The following TRPM7 variants were observed in gnomAD, a reference collection of about 807,000 sequenced individuals.
TRPM7 encodes LTRPC ion channel family member 7.
TRPM7 carries 134 observed loss-of-function variants against 229.7 expected under a neutral mutation model. The observed-to-expected ratio is 0.58, with a 90% confidence interval of 0.51 to 0.67. The LOEUF (loss-of-function observed/expected upper bound fraction) is 0.67, where lower values mean the gene tolerates loss of function less well. Among genes scored for constraint, TRPM7 ranks in the 30% least tolerant of loss-of-function variants. The probability of loss-of-function intolerance (pLI) is 0.00; values close to 1 mark genes in which losing one functional copy is unlikely to be tolerated. For synonymous variants in TRPM7, 699 were observed against 715.2 expected, an observed-to-expected ratio of 0.98 and a Z score of 0.36; for missense variants, 1,901 against 2,210.0, an observed-to-expected ratio of 0.86 and a Z score of 2.80.
intron 36 of TRPM7, among the ~76,000 whole-genome samples, chr15:50,570,858 A>AAC (rs1555401205): frequency 6.6e-6 from 1 of 151,778 alleles, no homozygotes; most frequent in African/African-American, 2.4e-5. Flanking sequence ...CGTCTCAAAA[A>AAC]AAAAACAAAA....
chr15:50,649,437 C>CAAAAA (rs541168300), intron 3 of TRPM7, among the ~76,000 whole-genome samples: 7 of 92,786 alleles, frequency 7.5e-5, no homozygotes, highest in Non-Finnish European at 1.5e-4. Flanking sequence ...GACCCCAACT[C>CAAAAA]AAAAAAAAAA....
At position 50,624,305 on chromosome 15, in the gene TRPM7, G is replaced by C. The variant is rs771145671; in HGVS notation, c.1306-5C>G. ...AGCTTGTTCCAAGGATCCAACCTAG[G>C]AGTATCAAATTTAATAAATACATAT... is the stretch of plus-strand genomic sequence containing the variant. On this transcript the variant is annotated splice_region_variant and splice_polypyrimidine_tract_variant and intron_variant, in intron 11 of 38. Transcript: ENST00000646667. 10 of 1,575,998 alleles carry C rather than the reference G, an allele frequency of 6.3e-6. No individual in the cohort carries two copies. Among genetic ancestry groups the C allele is most frequent in the Non-Finnish European group, 8.6e-6 (10 of 1,165,378 alleles).
At chr15:50,631,684 A>G (rs2060738118) in intron 9 of TRPM7, among the ~76,000 whole-genome samples, 195 bp from the exon 10 acceptor site, 1 of 152,108 alleles carries the variant, frequency 6.6e-6, no homozygotes, top group Non-Finnish European at 1.5e-5. Flanking sequence ...TTCAACCAAA[A>G]AACCAAAAAA....
chr15:50,650,660 A>T (rs1419095136), intron 3 of TRPM7, among the ~76,000 whole-genome samples: 1 of 151,996 alleles, frequency 6.6e-6, no homozygotes, highest in African/African-American at 2.4e-5. Flanking sequence ...GTGCCACTGC[A>T]CTCCAGGATG....
At chr15:50,657,213 A>G (rs1454294017) in intron 3 of TRPM7, among the ~76,000 whole-genome samples, 1 of 152,060 alleles carries the variant, frequency 6.6e-6, no homozygotes, top group Non-Finnish European at 1.5e-5. Context: ...AATCCCAGCT[A>G]CTCGGGAGGC....
chr15:50,609,697 C>A lies in TRPM7; in HGVS notation c.2464G>T (p.Asp822Tyr). 1 of 1,601,330 alleles carries A rather than the reference C, an allele frequency of 6.2e-7. No individual in the cohort carries two copies. The highest frequency in any genetic ancestry group is 8.5e-7 in the Non-Finnish European group (1 of 1,175,330). ...MEVFKEVRIL[D>Y]SNEGKNEMEI... is the part of the protein sequence containing the mutation. ...ATCTCATTCTTTCCTTCATTACTAT[C>A]CAAAATCCGTACTTCTTTAAACACT... The change falls in exon 19 of 39, where the codon GAT becomes TAT. Residue 822 changes from aspartate to tyrosine, a missense_variant. Asp to Tyr is a radical substitution (Grantham distance 160). Coordinates refer to ENST00000646667, the MANE Select transcript of TRPM7 (RefSeq NM_017672.6).
intron 4 of TRPM7, 139 bp from the exon 5 acceptor site, chr15:50,643,692 T>G (rs2061174116): frequency 1.6e-6 from 1 of 635,178 alleles, no homozygotes; most frequent in Non-Finnish European, 2.7e-6. Flanking sequence ...AATATATTTA[T>G]ACTCCAAGGA....
chr15:50,647,312 G>C (rs1000562530), intron 4 of TRPM7, among the ~76,000 whole-genome samples: 6 of 150,102 alleles, frequency 4.0e-5, no homozygotes, highest in African/African-American at 1.5e-4. Flanking sequence ...TGTATTTTTA[G>C]TAGAGACAGG....
At chr15:50,661,878 A>G (rs1480171845) in intron 2 of TRPM7, among the ~76,000 whole-genome samples, 4 of 152,204 alleles carry the variant, frequency 2.6e-5, no homozygotes, top group Non-Finnish European at 4.4e-5. Flanking sequence ...GGAAATAACT[A>G]TATCTTAGAT....
intron 20 of TRPM7, 128 bp from the exon 21 acceptor site, chr15:50,605,272 A>G: frequency 1.1e-6 from 1 of 888,494 alleles, no homozygotes; most frequent in East Asian, 2.7e-5. Context: ...TTATTTTGAG[A>G]CAGAGTCTCG....
chr15:50,642,987 T>C (rs902826748), intron 5 of TRPM7, among the ~76,000 whole-genome samples: 4 of 152,128 alleles, frequency 2.6e-5, no homozygotes, highest in Non-Finnish European at 5.9e-5. Flanking sequence ...AAATATCTAA[T>C]TGCTATTATA....
chr15:50,583,178 AT>A lies in TRPM7; in HGVS notation c.4487-20del, dbSNP rs753565862. 7.0e-5 allele frequency: 110 copies of A among 1,576,712 alleles called. No individual in the cohort carries two copies. In the African/African-American group the frequency reaches 1.2e-3, roughly 18 times the overall value. ...TTTTCTGCTAAAAGAAAATTAAAAA[AT>A]ATAAAAAAGCTACACAACTGAAGTT... On this transcript the variant is annotated intron_variant, in intron 28 of 38. Transcript: ENST00000646667.
chr15:50,637,618 T>TA, intron 6 of TRPM7, 25 bp from the exon 7 acceptor site: 1 of 1,599,224 alleles, frequency 6.3e-7, no homozygotes, highest in Middle Eastern at 1.7e-4. Context: ...ACAAAAGAGT[T>TA]AGTGAGCAGG....
At position 50,644,760 on chromosome 15, in the gene TRPM7, G is replaced by A. The variant is rs562178898; in HGVS notation, c.322-1207C>T. Among the ~76,000 whole-genome samples the A allele has an allele frequency of 3.0e-5, 4 of 135,568 alleles. No homozygotes were observed. In the Admixed American group the frequency reaches 3.3e-4, roughly 11 times the overall value. The allele number at this position is 135,568 out of a possible 152,430, so 88.9% of individuals were successfully genotyped here. On this transcript the variant is annotated intron_variant, in intron 4 of 38. Coordinates refer to ENST00000646667, the MANE Select transcript of TRPM7 (RefSeq NM_017672.6). The stretch of plus-strand genomic sequence containing the variant: ...TCCAGGGAGCTGAGACTGTGCCATT[G>A]CACTCCAGGCTGGGCAACAAGAGCG...
intron 1 of TRPM7, among the ~76,000 whole-genome samples, chr15:50,678,248 A>C (rs1253763772): frequency 7.9e-6 from 1 of 126,078 alleles, no homozygotes; most frequent in African/African-American, 3.0e-5. Flanking sequence ...TCAAAAAAAA[A>C]AAACAAAAAC....
At chr15:50,679,489 T>C (rs200740367) in intron 1 of TRPM7, among the ~76,000 whole-genome samples, 1 of 118,842 alleles carries the variant, frequency 8.4e-6, no homozygotes, top group Non-Finnish European at 1.7e-5. Context: ...TATATATATA[T>C]TATATATATG....
intron 38 of TRPM7, among the ~76,000 whole-genome samples, chr15:50,565,394 A>C (rs563839439): frequency 6.6e-6 from 1 of 152,210 alleles, no homozygotes; most frequent in Non-Finnish European, 1.5e-5. Context: ...TTTTGAAAAA[A>C]AGACTGGCAA....
At chr15:50,562,817 TATA>T (rs2053383597) in intron 38 of TRPM7, among the ~76,000 whole-genome samples, 1 of 151,196 alleles carries the variant, frequency 6.6e-6, no homozygotes, top group African/African-American at 2.4e-5. Context: ...TGTAGTGAAT[TATA>T]ATGAGGGACA....
At chr15:50,628,897 T>C (rs2060644604) in intron 10 of TRPM7, among the ~76,000 whole-genome samples, 1 of 152,214 alleles carries the variant, frequency 6.6e-6, no homozygotes, top group Admixed American at 6.5e-5. Flanking sequence ...ATACTTTCCA[T>C]TTTTTATTCA....
Sources: gnomAD v4.1 joint callset for allele counts (sites outside exome capture counted in the v4.1 genomes callset) on GRCh38, gnomAD v4.1.1 for gene constraint, MANE v1.5 for transcripts, NCBI Gene and HGNC (gene_info 2026-07-23, HGNC 2026-07-21) for gene names.